The following PPARD variants were observed in gnomAD, a reference collection of about 807,000 sequenced individuals.
The protein encoded by PPARD is peroxisome proliferator-activated receptor delta.
PPARD carries 6 observed loss-of-function variants against 39.5 expected under a neutral mutation model. That is an observed-to-expected ratio of 0.15 (90% CI 0.08 to 0.30). PPARD has a LOEUF of 0.30. Ranked by LOEUF, PPARD falls within the 10% of genes least tolerant of loss-of-function variation. PPARD has a pLI of 1.00. For synonymous variants in PPARD, 210 were observed against 231.3 expected (o/e 0.91, Z 0.83); for missense variants, 397 against 596.8 (o/e 0.67, Z 3.49).
At chr6:35,344,286 T>C (rs1792041358) in intron 1 of PPARD, among the ~76,000 whole-genome samples, 1 of 152,066 alleles carries the variant, frequency 6.6e-6, no homozygotes, top group Non-Finnish European at 1.5e-5. Flanking sequence ...ATCCCAGAGC[T>C]CTGTTCCCTT....
At chr6:35,408,394 G>A (rs1421579191) in intron 2 of PPARD, among the ~76,000 whole-genome samples, 1 of 152,196 alleles carries the variant, frequency 6.6e-6, no homozygotes, top group Non-Finnish European at 1.5e-5. Context: ...GGAGAATGGA[G>A]CTGGGGAGAA....
At chr6:35,396,658 G>A (rs1016742231) in intron 2 of PPARD, among the ~76,000 whole-genome samples, 5 of 151,478 alleles carry the variant, frequency 3.3e-5, no homozygotes, top group South Asian at 2.1e-4. Context: ...GTGAAATCCC[G>A]TCTTTACTAA....
chr6:35,401,301 C>T lies in PPARD; in HGVS notation c.-101-9686C>T, dbSNP rs1351302513. ...GTGGCCTTCCCCTCCTGCCGACTCCCTTGCCAGGTTTGCTGTAACTATTGC... is the reference window on the plus strand; with the variant it reads ...GTGGCCTTCCCCTCCTGCCGACTCCTTTGCCAGGTTTGCTGTAACTATTGC... On this transcript the variant is annotated intron_variant, in intron 2 of 7. Transcript: ENST00000360694. This position sits in a 1 kb window ranked among gnomAD's most constrained non-coding sequence, Gnocchi z 4.1. 6.6e-6 allele frequency among the ~76,000 whole-genome samples: 1 copy of T among 152,152 alleles called. No individual in the cohort carries two copies. The highest frequency in any genetic ancestry group is 1.5e-5 in the Non-Finnish European group (1 of 68,014).
Position 35,415,778 on chromosome 6 carries a change from C to CTGTGTGTGTGTGTGTGTG in PPARD, c.131-4341_131-4324dup, listed in dbSNP as rs369825175. Among the ~76,000 whole-genome samples, 431 of 143,850 alleles carry CTGTGTGTGTGTGTGTGTG rather than the reference C, an allele frequency of 3.0e-3. 8 individuals are homozygous for CTGTGTGTGTGTGTGTGTG. The highest frequency in any genetic ancestry group is 0.011 in the African/African-American group (399 of 36,004). The allele number at this position is 143,850 out of a possible 152,430, so 94.4% of individuals were successfully genotyped here. ...TCAGGGTTCTCCAGAGAAGGAGAAC[C>CTGTGTGTGTGTGTGTGTG]TGTGTGTGTGTGTGTGTGTGTGTGT... On this transcript the variant is annotated intron_variant, in intron 3 of 7. Coordinates refer to ENST00000360694, the MANE Select transcript of PPARD (RefSeq NM_006238.5).
Position 35,426,264 on chromosome 6 carries a change from C to A in PPARD, c.*185C>A. ...GTGCCCTCTCTCCCGCTTCCTCCAG[C>A]CAGCTCTCTTCCTGTCTTTGTTGTC... On this transcript the variant is annotated 3_prime_UTR_variant, in exon 8 of 8. Transcript: ENST00000360694. 1 of 706,346 alleles carries A rather than the reference C, an allele frequency of 1.4e-6. No individual in the cohort carries two copies. The highest frequency in any genetic ancestry group is 2.3e-6 in the Non-Finnish European group (1 of 434,012). 43.8% of individuals were successfully genotyped at this position (706,346 alleles called of 1,614,324 possible). A position where few individuals can be genotyped will look rare whatever the true frequency, so the allele number is the denominator to read the frequency against.
chr6:35,348,945 G>A (rs1010245883), intron 2 of PPARD: 69 of 985,352 alleles, frequency 7.0e-5, no homozygotes, highest in African/African-American at 8.7e-5. Flanking sequence ...GCAATTGTAC[G>A]TGCATTTCCA....
chr6:35,424,113 C>T lies in PPARD; in HGVS notation c.592C>T (p.Arg198Cys), dbSNP rs1202100080. 5.0e-6 allele frequency: 8 copies of T among 1,613,518 alleles called. No homozygotes were observed. The highest frequency in any genetic ancestry group is 1.7e-5 in the Admixed American group (1 of 60,014). Reference sequence around the variant, plus strand: ...CTTCAACATGACCAAAAAGAAGGCCCGCAGCATCCTCACCGGCAAAGCCAG... The same window carrying T: ...CTTCAACATGACCAAAAAGAAGGCCTGCAGCATCCTCACCGGCAAAGCCAG... ...KNFNMTKKKA[R>C]SILTGKASHT... is the part of the protein sequence containing the mutation. The change falls in exon 6 of 8, where the codon CGC (arginine) becomes TGC (cysteine). Residue 198 changes from arginine to cysteine, a missense_variant. Arg to Cys is a radical substitution (Grantham distance 180). Transcript: ENST00000360694. The surrounding 1 kb of genome is among the most constrained non-coding windows in gnomAD (Gnocchi z 7.1).
At chr6:35,410,668 A>C (rs1023899202) in intron 2 of PPARD, among the ~76,000 whole-genome samples, 2 of 152,124 alleles carry the variant, frequency 1.3e-5, no homozygotes, top group Admixed American at 1.3e-4. Flanking sequence ...AGTCATTCCA[A>C]TGTGCTTCCT....
At chr6:35,359,849 A>G (rs1356405663) in intron 2 of PPARD, among the ~76,000 whole-genome samples, 1 of 152,194 alleles carries the variant, frequency 6.6e-6, no homozygotes, top group Non-Finnish European at 1.5e-5. Flanking sequence ...TGGTTAGGAA[A>G]ATTGCCTAAA....
chr6:35,385,655 A>C (rs1478960502), intron 2 of PPARD, among the ~76,000 whole-genome samples: 1 of 149,664 alleles, frequency 6.7e-6, no homozygotes, highest in African/African-American at 2.5e-5. Context: ...TTAAAAAAAA[A>C]AAAAAAAAAA....
intron 3 of PPARD, among the ~76,000 whole-genome samples, chr6:35,413,413 T>C (rs1274327063): frequency 6.6e-6 from 1 of 152,206 alleles, no homozygotes; most frequent in Non-Finnish European, 1.5e-5. Flanking sequence ...AGAGGGTTAC[T>C]TGACATAATC....
Position 35,425,007 on chromosome 6 carries a change from T to G in PPARD, c.1078+228T>G. 1 of 1,388,858 alleles carries G rather than the reference T, an allele frequency of 7.2e-7. No individual in the cohort carries two copies. Among genetic ancestry groups the G allele is most frequent in the Non-Finnish European group, 9.3e-7 (1 of 1,071,614 alleles). The allele number at this position is 1,388,858 out of a possible 1,614,324, so 86.0% of individuals were successfully genotyped here. A position where few individuals can be genotyped will look rare whatever the true frequency, so the allele number is the denominator to read the frequency against. On this transcript the variant is annotated intron_variant, in intron 7 of 7. Transcript: ENST00000360694. The surrounding 1 kb of genome is among the most constrained non-coding windows in gnomAD (Gnocchi z 4.5). The stretch of plus-strand genomic sequence containing the variant: ...AAAAGACTAAGCCAGACGTGGTGGC[T>G]CACACCTGTAATCCCAGCACTTTGG...
chr6:35,369,244 C>G (rs1174841832), intron 2 of PPARD, among the ~76,000 whole-genome samples: 2 of 152,126 alleles, frequency 1.3e-5, no homozygotes, highest in Admixed American at 1.3e-4. Flanking sequence ...CTTCACACCC[C>G]CTCTTTTTGA....
intron 2 of PPARD, among the ~76,000 whole-genome samples, chr6:35,355,445 G>T (rs1761518714): frequency 6.6e-6 from 1 of 150,816 alleles, no homozygotes; most frequent in Non-Finnish European, 1.5e-5. Context: ...CCTACTCCTT[G>T]GGGGGCTGAG....
chr6:35,371,681 C>T (rs1361992631), intron 2 of PPARD, among the ~76,000 whole-genome samples: 3 of 152,144 alleles, frequency 2.0e-5, no homozygotes, highest in Non-Finnish European at 4.4e-5. Flanking sequence ...TGGATGGTTG[C>T]CCCTCCAAAA....
At chr6:35,409,756 A>G (rs1057379914) in intron 2 of PPARD, among the ~76,000 whole-genome samples, 2 of 152,110 alleles carry the variant, frequency 1.3e-5, no homozygotes, top group Non-Finnish European at 2.9e-5. Context: ...AAGTCCAAGC[A>G]AGGGAAGGCC....
chr6:35,349,285 A>G (rs1761090714), intron 2 of PPARD, among the ~76,000 whole-genome samples: 1 of 151,914 alleles, frequency 6.6e-6, no homozygotes, highest in African/African-American at 2.4e-5. Flanking sequence ...TCGGCCTCCC[A>G]AAGTGCTGGG....
At chr6:35,359,504 C>CT (rs1272517855) in intron 2 of PPARD, among the ~76,000 whole-genome samples, 1 of 152,048 alleles carries the variant, frequency 6.6e-6, no homozygotes, top group Non-Finnish European at 1.5e-5. Context: ...GGCCATTCAC[C>CT]GCGTAGTTCT....
chr6:35,392,100 C>T lies in PPARD; in HGVS notation c.-101-18887C>T, dbSNP rs547919008. 3.9e-5 allele frequency among the ~76,000 whole-genome samples: 6 copies of T among 152,054 alleles called. No individual in the cohort carries two copies. In the East Asian group the frequency reaches 1.2e-3, roughly 30 times the overall value. On this transcript the variant is annotated intron_variant, in intron 2 of 7. Coordinates refer to ENST00000360694, the MANE Select transcript of PPARD (RefSeq NM_006238.5). Reference sequence around the variant, plus strand: ...CTGGACTGCCCTTGGAATTCCTGGGCCAATTTGGGGAACCCTGGCACCAAC... The same window carrying T: ...CTGGACTGCCCTTGGAATTCCTGGGTCAATTTGGGGAACCCTGGCACCAAC...
Sources: allele counts gnomAD v4.1 joint callset (sites outside exome capture counted in the v4.1 genomes callset), GRCh38; gene constraint gnomAD v4.1.1; non-coding constraint Gnocchi (gnomAD v3.1); transcripts MANE v1.5; gene names NCBI Gene and HGNC (gene_info 2026-07-23, HGNC 2026-07-21).